PCDH11X: variants seen among roughly 807,000 people sequenced by gnomAD.
PCDH11X encodes protocadherin-11 X-linked.
A neutral mutation model predicts 53.3 loss-of-function variants in PCDH11X; 18 were observed. The observed-to-expected ratio is 0.34, with a 90% CI of 0.23 to 0.50. The LOEUF (loss-of-function observed/expected upper bound fraction) is 0.50, where lower values mean the gene tolerates loss of function less well. Among genes scored for constraint, PCDH11X ranks in the 20% least tolerant of loss-of-function variants. PCDH11X has a pLI of 0.98. For missense variants in PCDH11X, 570 were observed against 1,032.4 expected, an observed-to-expected ratio of 0.55 and a Z score of 6.14; for synonymous variants, 279 against 393.3, an observed-to-expected ratio of 0.71 and a Z score of 3.44.
chrX:92,410,369 C>A (rs1397947445), intron 9 of PCDH11X, among the ~76,000 whole-genome samples: 2 of 98,699 alleles, frequency 2.0e-5, no homozygotes, highest in Admixed American at 2.3e-4. Context: ...TGTAGTCACA[C>A]TGTCAATACT....
At chrX:92,174,710 T>A (rs1014017226) in intron 6 of PCDH11X, among the ~76,000 whole-genome samples, 4 of 111,860 alleles carry the variant, frequency 3.6e-5, no homozygotes, top group Non-Finnish European at 7.5e-5. Context: ...CAAGTCTCCA[T>A]GCCATCCATG....
intron 6 of PCDH11X, among the ~76,000 whole-genome samples, chrX:92,177,027 G>A (rs1387016739): frequency 1.9e-5 from 2 of 105,978 alleles, no homozygotes; most frequent in Non-Finnish European, 3.9e-5. Context: ...CCACGCTAGA[G>A]TGCAGTGGGG....
intron 6 of PCDH11X, among the ~76,000 whole-genome samples, chrX:91,937,427 C>A (rs181094638): frequency 5.4e-5 from 6 of 110,588 alleles, no homozygotes; most frequent in African/African-American, 1.6e-4. Context: ...AAAGTTTATT[C>A]TTTATGAAAA....
chrX:92,143,659 C>T (rs750027212), intron 6 of PCDH11X, among the ~76,000 whole-genome samples: 258 of 112,347 alleles, frequency 2.3e-3, no homozygotes, highest in African/African-American at 7.7e-3. Flanking sequence ...GCTGCAGGGG[C>T]GGGGTACTCA....
chrX:92,537,395 T>C (rs1161946817), intron 10 of PCDH11X, among the ~76,000 whole-genome samples: 1 of 110,061 alleles, frequency 9.1e-6, no homozygotes, highest in East Asian at 2.8e-4. Context: ...TTCATGTTTA[T>C]GGATTAGAAT....
At chrX:92,150,960 TTTTG>T (rs2065422056) in intron 6 of PCDH11X, among the ~76,000 whole-genome samples, 1 of 110,901 alleles carries the variant, frequency 9.0e-6, no homozygotes, top group African/African-American at 3.3e-5. Context: ...TATACTTCTG[TTTTG>T]TTTGTTTGCT....
At position 91,882,979 on chromosome X, in the gene PCDH11X, C is replaced by T. The variant is rs764685790; in HGVS notation, c.3033+3706C>T. ...TTCTAGGAACAACAAAATTCCATTC[C>T]CCTTCCAAAAAATTTCAATGATTGT... On this transcript the variant is annotated intron_variant, in intron 6 of 10. Transcript: ENST00000682573. 1.5e-5 allele frequency: 17 copies of T among 1,163,367 alleles called. No homozygotes were observed. In the East Asian group the frequency reaches 5.3e-4, roughly 36 times the overall value.
chrX:91,841,379 T>C (rs188661998), intron 5 of PCDH11X, among the ~76,000 whole-genome samples: 1 of 111,544 alleles, frequency 9.0e-6, no homozygotes, highest in East Asian at 2.8e-4. Flanking sequence ...TTCTGGAATT[T>C]ATAAATTGAG....
intron 1 of PCDH11X, among the ~76,000 whole-genome samples, chrX:91,789,200 CAAAAAAAA>C (rs764959497): frequency 1.3e-3 from 60 of 47,184 alleles, no homozygotes; most frequent in East Asian, 2.6e-3. Context: ...GACTCCGTCT[CAAAAAAAA>C]AAAAAAAAAA....
intron 10 of PCDH11X, among the ~76,000 whole-genome samples, chrX:92,474,641 G>T (rs2073337982): frequency 1.1e-5 from 1 of 89,300 alleles, no homozygotes; most frequent in Admixed American, 1.3e-4. Context: ...AGGTTACCAT[G>T]AAACTTGCAA....
intron 6 of PCDH11X, chrX:92,113,652 C>T (rs2064569507): frequency 1.7e-6 from 2 of 1,197,635 alleles, no homozygotes; most frequent in African/African-American, 3.7e-5. Flanking sequence ...GGGTGATGGT[C>T]AGGGTTTCAT....
At chrX:92,156,968 C>G (rs2065547550) in intron 6 of PCDH11X, among the ~76,000 whole-genome samples, 1 of 111,863 alleles carries the variant, frequency 8.9e-6, no homozygotes, top group Admixed American at 9.5e-5. Flanking sequence ...TTTGAATACA[C>G]TTTAACTAAG....
intron 10 of PCDH11X, among the ~76,000 whole-genome samples, chrX:92,574,553 A>G (rs1387669988): frequency 1.8e-5 from 2 of 110,703 alleles, no homozygotes; most frequent in East Asian, 5.6e-4. Flanking sequence ...TTTAGAAGAC[A>G]GGAGAGCAAT....
At chrX:92,301,179 C>G (rs1474975200) in intron 8 of PCDH11X, among the ~76,000 whole-genome samples, 1 of 111,105 alleles carries the variant, frequency 9.0e-6, no homozygotes, top group Non-Finnish European at 1.9e-5. Flanking sequence ...CAGGTGTGGT[C>G]TTCCTGTGCA....
intron 5 of PCDH11X, among the ~76,000 whole-genome samples, chrX:91,851,997 A>C (rs1214794879): frequency 9.9e-6 from 1 of 101,429 alleles, no homozygotes; most frequent in Non-Finnish European, 2.0e-5. Context: ...ATTTTCATAA[A>C]ATTAGGAATT....
At chrX:92,179,537 A>G (rs981426053) in intron 6 of PCDH11X, among the ~76,000 whole-genome samples, 1 of 112,169 alleles carries the variant, frequency 8.9e-6, no homozygotes, top group African/African-American at 3.2e-5. Flanking sequence ...ATATGCTGGA[A>G]TGATACAGAA....
intron 9 of PCDH11X, among the ~76,000 whole-genome samples, chrX:92,446,650 T>C (rs1028875448): frequency 7.2e-5 from 8 of 111,710 alleles, no homozygotes; most frequent in African/African-American, 2.6e-4. Flanking sequence ...TCCTTTCCCG[T>C]ATAAATTACC....
intron 6 of PCDH11X, among the ~76,000 whole-genome samples, chrX:92,097,411 GA>G (rs755835797): frequency 0.019 from 1,433 of 75,852 alleles, 23 homozygotes; most frequent in African/African-American, 0.062. Context: ...CCTTGTCTCA[GA>G]AAAAAAAAAA....
At chrX:91,805,660 ATT>A (rs772321343) in intron 1 of PCDH11X, among the ~76,000 whole-genome samples, 8 of 86,184 alleles carry the variant, frequency 9.3e-5, no homozygotes, top group Admixed American at 4.6e-4. Flanking sequence ...TACAAAAAAC[ATT>A]TTTTTTTTTA....
Sources: gnomAD v4.1 joint callset for allele counts (sites outside exome capture counted in the v4.1 genomes callset) on GRCh38, gnomAD v4.1.1 for gene constraint, MANE v1.5 for transcripts, NCBI Gene and HGNC (gene_info 2026-07-23, HGNC 2026-07-21) for gene names.